GRK5: variants seen among roughly 807,000 people sequenced by gnomAD.
GRK5 encodes the protein G protein-coupled receptor kinase 5, also known as g protein-coupled receptor kinase GRK5.
In GRK5, 40 loss-of-function variants were observed where a neutral mutation model predicts 78.4. The observed-to-expected ratio is 0.51, with a 90% CI of 0.40 to 0.66. The LOEUF (loss-of-function observed/expected upper bound fraction) is 0.66. GRK5 is among the 30% of genes least tolerant of loss of function. The pLI, the probability that GRK5 is intolerant of heterozygous loss-of-function variation, is 0.00. For synonymous variants in GRK5, 289 were observed against 296.8 expected (o/e 0.97, Z 0.27); for missense variants, 598 against 759.9 (o/e 0.79, Z 2.50).
chr10:119,288,653 T>A (rs1849899743), intron 1 of GRK5, among the ~76,000 whole-genome samples: 1 of 152,190 alleles, frequency 6.6e-6, no homozygotes. Context: ...CCCCACACCC[T>A]GCGTCTGGTT....
chr10:119,448,193 CCTT>C lies in GRK5; in HGVS notation c.1342_1344del (p.Phe448del). ...GGGGCTGCAGAGGTCAAGAGACACCCCTTCTTCAGGAACATGAACTTCAAGCGC... is the reference window on the plus strand; with the variant it reads ...GGGGCTGCAGAGGTCAAGAGACACCCCTTCAGGAACATGAACTTCAAGCGC... On this transcript the variant is annotated inframe_deletion, in exon 13 of 16. Transcript: ENST00000392870. The C allele has an allele frequency of 1.3e-6, 2 of 1,591,600 alleles. No homozygotes were observed. Among genetic ancestry groups the C allele is most frequent in the Non-Finnish European group, 1.7e-6 (2 of 1,170,678 alleles).
At chr10:119,344,060 GTTTTTCTTTTTTC>G (rs1027755923) in intron 2 of GRK5, among the ~76,000 whole-genome samples, 3 of 151,640 alleles carry the variant, frequency 2.0e-5, no homozygotes, top group Non-Finnish European at 2.9e-5. Context: ...GCCAGAGCAG[GTTTTTCTTTTTTC>G]TTTTTCTTTT....
intron 2 of GRK5, among the ~76,000 whole-genome samples, chr10:119,344,151 A>AT (rs1373254527): frequency 6.9e-6 from 1 of 143,906 alleles, no homozygotes; most frequent in Non-Finnish European, 1.5e-5. Flanking sequence ...CAGTTATTTT[A>AT]TTTTATTTTT....
chr10:119,389,018 TATC>T (rs956836052), intron 3 of GRK5, among the ~76,000 whole-genome samples: 4 of 152,322 alleles, frequency 2.6e-5, no homozygotes, highest in African/African-American at 9.6e-5. Flanking sequence ...ATTTCCCTAA[TATC>T]ATACTGGTGG....
intron 1 of GRK5, among the ~76,000 whole-genome samples, chr10:119,266,918 G>A (rs936343973): frequency 6.6e-6 from 1 of 151,988 alleles, no homozygotes; most frequent in South Asian, 2.1e-4. Flanking sequence ...AGCACTGCAG[G>A]CGTGTGCCAC....
chr10:119,393,983 G>A (rs1297608689), intron 3 of GRK5, among the ~76,000 whole-genome samples: 4 of 149,448 alleles, frequency 2.7e-5, no homozygotes, highest in Non-Finnish European at 6.0e-5. Flanking sequence ...GTGTGTGTGG[G>A]TATGTGTGTG....
chr10:119,235,277 C>T (rs1181299385), intron 1 of GRK5, among the ~76,000 whole-genome samples: 1 of 151,400 alleles, frequency 6.6e-6, no homozygotes, highest in East Asian at 1.9e-4. Flanking sequence ...GGAAACAAAT[C>T]AGGAGGGGGA....
chr10:119,405,733 C>T (rs561111023), intron 4 of GRK5, among the ~76,000 whole-genome samples: 45 of 152,302 alleles, frequency 3.0e-4, no homozygotes, highest in African/African-American at 1.0e-3. Context: ...GTTTCCCCAA[C>T]TGAGTATGGG....
chr10:119,310,509 A>G (rs1850340510), intron 1 of GRK5, among the ~76,000 whole-genome samples: 1 of 152,232 alleles, frequency 6.6e-6, no homozygotes, highest in Admixed American at 6.5e-5. Context: ...GTGTGGGCAA[A>G]AACATCGTGA....
intron 11 of GRK5, 129 bp downstream of exon 11, chr10:119,442,217 A>T: frequency 1.3e-6 from 1 of 776,164 alleles, no homozygotes; most frequent in Non-Finnish European, 2.2e-6. Flanking sequence ...ACAGAGTCAC[A>T]GTCTCTGCAG....
intron 1 of GRK5, among the ~76,000 whole-genome samples, chr10:119,230,667 A>T (rs1185208470): frequency 6.6e-6 from 1 of 151,608 alleles, no homozygotes; most frequent in Non-Finnish European, 1.5e-5. Flanking sequence ...GTATCACCCC[A>T]TCTCTACAAA....
chr10:119,400,039 G>A (rs189287960), intron 4 of GRK5, among the ~76,000 whole-genome samples: 1 of 152,370 alleles, frequency 6.6e-6, no homozygotes, highest in East Asian at 1.9e-4. Context: ...ACTGTCTGCA[G>A]TCATCTCCAA....
chr10:119,417,811 C>T (rs1182137475), intron 4 of GRK5, among the ~76,000 whole-genome samples: 3 of 152,172 alleles, frequency 2.0e-5, no homozygotes, highest in Admixed American at 6.5e-5. Context: ...GTACTTCATC[C>T]GTTTCGGTGG....
At chr10:119,228,557 G>T (rs77181698) in intron 1 of GRK5, among the ~76,000 whole-genome samples, 4 of 151,964 alleles carry the variant, frequency 2.6e-5, no homozygotes, top group African/African-American at 9.7e-5. Flanking sequence ...AGAATTCAAG[G>T]CTGCAGTGAG....
chr10:119,207,790 A>G lies in GRK5; in HGVS notation c.-128A>G. 1 of 868,054 alleles carries G rather than the reference A, an allele frequency of 1.2e-6. No individual in the cohort carries two copies. The highest frequency in any genetic ancestry group is 2.9e-5 in the Admixed American group (1 of 33,934). The allele number at this position is 868,054 out of a possible 1,614,324, so 53.8% of individuals were successfully genotyped here. Reference sequence around the variant, plus strand: ...TGAGAGCAGGAATAATGCGGTAGGCAAGGCGGGCTGCTGGCTCCCCCGGCT... The same window carrying G: ...TGAGAGCAGGAATAATGCGGTAGGCGAGGCGGGCTGCTGGCTCCCCCGGCT... On this transcript the variant is annotated 5_prime_UTR_variant, in exon 1 of 16. Coordinates refer to ENST00000392870, the MANE Select transcript of GRK5 (RefSeq NM_005308.3).
At chr10:119,243,170 G>A (rs568853668) in intron 1 of GRK5, among the ~76,000 whole-genome samples, 4 of 152,286 alleles carry the variant, frequency 2.6e-5, no homozygotes, top group Admixed American at 2.0e-4. Flanking sequence ...CTGGGAGGTG[G>A]AAGTTGCAGT....
intron 6 of GRK5, among the ~76,000 whole-genome samples, chr10:119,426,532 T>C (rs1169957669): frequency 6.6e-6 from 1 of 152,230 alleles, no homozygotes; most frequent in Non-Finnish European, 1.5e-5. Flanking sequence ...ATGTGGATGA[T>C]TGTGCCTGCA....
intron 4 of GRK5, among the ~76,000 whole-genome samples, chr10:119,414,523 A>G (rs1344875102): frequency 6.6e-6 from 1 of 152,112 alleles, no homozygotes; most frequent in Non-Finnish European, 1.5e-5. Context: ...CCTCCTGCAC[A>G]CTGTCTAGGA....
intron 1 of GRK5, among the ~76,000 whole-genome samples, chr10:119,299,929 A>G (rs568864239): frequency 6.6e-6 from 1 of 152,154 alleles, no homozygotes. Flanking sequence ...CGTCATTTAC[A>G]TTAGGTATAT....
Sources: allele counts gnomAD v4.1 joint callset (sites outside exome capture counted in the v4.1 genomes callset), GRCh38; gene constraint gnomAD v4.1.1; transcripts MANE v1.5; gene names NCBI Gene and HGNC (gene_info 2026-07-23, HGNC 2026-07-21).